DOCK3: variants seen among roughly 807,000 people sequenced by gnomAD.
DOCK3 encodes dedicator of cytokinesis protein 3.
In DOCK3, 60 loss-of-function variants were observed where a neutral mutation model predicts 265.6. The ratio of observed to expected loss-of-function variants is 0.23; its 90% CI spans 0.18 to 0.28. DOCK3 has a LOEUF of 0.28. Among genes scored for constraint, DOCK3 ranks in the 10% least tolerant of loss-of-function variants. DOCK3 has a pLI of 1.00. For missense variants in DOCK3, 1,981 were observed against 2,594.3 expected, an observed-to-expected ratio of 0.76 and a Z score of 5.14; for synonymous variants, 881 against 938.0, an observed-to-expected ratio of 0.94 and a Z score of 1.11.
intron 5 of DOCK3, among the ~76,000 whole-genome samples, chr3:50,975,830 G>C (rs1484536764): frequency 1.3e-5 from 2 of 151,098 alleles, no homozygotes; most frequent in African/African-American, 4.9e-5. Flanking sequence ...TCCTGTTATT[G>C]GTCTATTCAG....
At chr3:51,278,400 G>A (rs1370191914) in intron 26 of DOCK3, 23 of 985,218 alleles carry the variant, frequency 2.3e-5, no homozygotes, top group African/African-American at 3.5e-5. Context: ...AGGTGGGGAT[G>A]TGATAAACAG....
intron 24 of DOCK3, among the ~76,000 whole-genome samples, chr3:51,271,685 A>G (rs1239676759): frequency 6.6e-6 from 1 of 152,184 alleles, no homozygotes; most frequent in Non-Finnish European, 1.5e-5. Flanking sequence ...CCCTATCTCT[A>G]CTGAAAATAC....
intron 4 of DOCK3, among the ~76,000 whole-genome samples, chr3:50,933,025 CAA>C (rs779010557): frequency 1.3e-3 from 194 of 152,270 alleles, no homozygotes; most frequent in Non-Finnish European, 2.4e-3. Context: ...TGGCAGCAGA[CAA>C]GAGAGCATGT....
chr3:50,777,113 A>T (rs987390092), intron 1 of DOCK3, among the ~76,000 whole-genome samples: 1 of 152,116 alleles, frequency 6.6e-6, no homozygotes, highest in Non-Finnish European at 1.5e-5. Flanking sequence ...GTTATCTCCC[A>T]CCAGGTCCCT....
chr3:51,252,480 C>T (rs149456836), intron 22 of DOCK3, among the ~76,000 whole-genome samples: 4,109 of 152,300 alleles, frequency 0.027, 74 homozygotes, highest in South Asian at 0.046. Context: ...AGTATTGATT[C>T]TTCCTATCCA....
At chr3:50,791,010 G>T (rs2042448038) in intron 2 of DOCK3, among the ~76,000 whole-genome samples, 1 of 151,888 alleles carries the variant, frequency 6.6e-6, no homozygotes, top group Admixed American at 6.6e-5. Context: ...GACGATATTA[G>T]ACCTTTGTCA....
chr3:51,379,027 C>T (rs1553617482), intron 51 of DOCK3, among the ~76,000 whole-genome samples: 1 of 152,216 alleles, frequency 6.6e-6, no homozygotes, highest in Non-Finnish European at 1.5e-5. Flanking sequence ...CTGCTTTTCC[C>T]ACTGAGCCTG....
intron 33 of DOCK3, 103 bp downstream of exon 33, chr3:51,330,326 C>A: frequency 3.6e-6 from 4 of 1,108,654 alleles, no homozygotes; most frequent in South Asian, 3.0e-5. Context: ...AGAGGTTGGT[C>A]ATCAAGAGGG....
chr3:50,678,965 A>G (rs1245006412), intron 1 of DOCK3, among the ~76,000 whole-genome samples: 1 of 151,960 alleles, frequency 6.6e-6, no homozygotes, highest in Non-Finnish European at 1.5e-5. Flanking sequence ...GCCCGCCACC[A>G]TGCCCGGCTA....
intron 9 of DOCK3, among the ~76,000 whole-genome samples, chr3:51,122,401 G>A (rs919257057): frequency 6.6e-6 from 1 of 152,118 alleles, no homozygotes; most frequent in African/African-American, 2.4e-5. Context: ...GAGCCCAGAA[G>A]TTTGAGGTTA....
chr3:51,229,641 A>G (rs768170446), intron 19 of DOCK3, 32 bp downstream of exon 19: 1 of 1,516,208 alleles, frequency 6.6e-7, no homozygotes, highest in East Asian at 2.4e-5. Flanking sequence ...AACATACTGC[A>G]TGAGGAAGAA....
intron 9 of DOCK3, among the ~76,000 whole-genome samples, chr3:51,113,544 C>A (rs570179262): frequency 1.3e-5 from 2 of 152,278 alleles, no homozygotes; most frequent in East Asian, 3.9e-4. Flanking sequence ...ACCCTGACTC[C>A]AGAGCTGCTG....
rs75816415 is a variant in DOCK3, at chr3:51,370,150, A to C, written c.5294-4319A>C. Among the ~76,000 whole-genome samples the C allele has an allele frequency of 8.4e-3, 1,282 of 152,320 alleles. 19 individuals carry two copies. The highest frequency in any genetic ancestry group is 0.029 in the African/African-American group (1,223 of 41,564). ...ACACTGAAAGACGGCCTTGGGAATA[A>C]AAAGAAAAGAAACCCTGAGCCATGA... On this transcript the variant is annotated intron_variant, in intron 49 of 52. Coordinates refer to ENST00000266037, the MANE Select transcript of DOCK3 (RefSeq NM_004947.5).
intron 10 of DOCK3, among the ~76,000 whole-genome samples, chr3:51,149,668 C>G (rs1286298211): frequency 6.6e-6 from 1 of 152,190 alleles, no homozygotes; most frequent in Non-Finnish European, 1.5e-5. Flanking sequence ...GTTGAACCAG[C>G]CTTGCATCCC....
chr3:51,335,185 T>C (rs961668372), intron 35 of DOCK3, among the ~76,000 whole-genome samples: 2 of 151,052 alleles, frequency 1.3e-5, no homozygotes, highest in African/African-American at 4.9e-5. Context: ...AGTATACATA[T>C]GTAACAAACC....
intron 9 of DOCK3, among the ~76,000 whole-genome samples, chr3:51,122,770 C>T (rs2106771445): frequency 6.6e-6 from 1 of 152,344 alleles, no homozygotes; most frequent in South Asian, 2.1e-4. Flanking sequence ...CAGCCAGCTT[C>T]CCACTGCCCA....
intron 1 of DOCK3, among the ~76,000 whole-genome samples, chr3:50,773,970 C>T (rs2041438090): frequency 6.6e-6 from 1 of 152,002 alleles, no homozygotes; most frequent in African/African-American, 2.4e-5. Context: ...AATTTATCTT[C>T]CATTGAGGAT....
At chr3:51,094,747 T>G (rs540046870) in intron 9 of DOCK3, among the ~76,000 whole-genome samples, 1 of 151,582 alleles carries the variant, frequency 6.6e-6, no homozygotes, top group African/African-American at 2.4e-5. Flanking sequence ...TTCTTTTAAT[T>G]GTGATGTTAG....
intron 5 of DOCK3, among the ~76,000 whole-genome samples, chr3:50,938,565 A>G (rs905719671): frequency 2.0e-5 from 3 of 152,096 alleles, no homozygotes; most frequent in Non-Finnish European, 2.9e-5. Context: ...CATACAAAGG[A>G]TATTCTAACC....
Sources: gnomAD v4.1 joint callset for allele counts (sites outside exome capture counted in the v4.1 genomes callset) on GRCh38, gnomAD v4.1.1 for gene constraint, MANE v1.5 for transcripts, NCBI Gene and HGNC (gene_info 2026-07-23, HGNC 2026-07-21) for gene names.